The following SGMS1 variants were observed in gnomAD, a reference collection of about 807,000 sequenced individuals.
The protein encoded by SGMS1 is phosphatidylcholine:ceramide cholinephosphotransferase 1.
A neutral mutation model predicts 46.2 loss-of-function variants in SGMS1; 13 were observed. That is an observed-to-expected ratio of 0.28 (90% CI 0.18 to 0.45). The LOEUF is 0.45. SGMS1 is among the 20% of genes least tolerant of loss of function. The pLI, the probability that SGMS1 is intolerant of heterozygous loss-of-function variation, is 1.00. For synonymous variants in SGMS1, 203 were observed against 187.8 expected (o/e 1.08, Z -0.66); for missense variants, 324 against 519.9 (o/e 0.62, Z 3.66).
At chr10:50,459,618 G>A (rs1837239577) in intron 5 of SGMS1, among the ~76,000 whole-genome samples, 1 of 152,182 alleles carries the variant, frequency 6.6e-6, no homozygotes, top group Admixed American at 6.5e-5. Context: ...TGGCCAGGCT[G>A]GTCTCAAACT....
chr10:50,488,515 T>G (rs1837541715), intron 3 of SGMS1, among the ~76,000 whole-genome samples: 1 of 152,210 alleles, frequency 6.6e-6, no homozygotes, highest in African/African-American at 2.4e-5. Flanking sequence ...ATCGGGCTTT[T>G]TAATCAGTGG....
chr10:50,540,754 A>G (rs1838044851), intron 2 of SGMS1, among the ~76,000 whole-genome samples: 1 of 152,164 alleles, frequency 6.6e-6, no homozygotes, highest in Admixed American at 6.5e-5. Context: ...TAAGGTTATG[A>G]AATTATGATT....
At chr10:50,451,771 C>T (rs1837112723) in intron 5 of SGMS1, among the ~76,000 whole-genome samples, 1 of 152,146 alleles carries the variant, frequency 6.6e-6, no homozygotes, top group South Asian at 2.1e-4. Context: ...TAGATATACC[C>T]CTATTTAGTG....
chr10:50,450,080 G>C (rs1232726896), intron 5 of SGMS1, among the ~76,000 whole-genome samples: 1 of 152,046 alleles, frequency 6.6e-6, no homozygotes, highest in East Asian at 1.9e-4. Context: ...ACCATTAATA[G>C]AATTTTTTTT....
intron 6 of SGMS1, among the ~76,000 whole-genome samples, chr10:50,348,733 C>A (rs1013381198): frequency 6.6e-6 from 1 of 152,144 alleles, no homozygotes; most frequent in Non-Finnish European, 1.5e-5. Context: ...TGAAAATGGC[C>A]ATACTGCCCA....
chr10:50,557,380 G>T (rs1337292939), intron 2 of SGMS1, among the ~76,000 whole-genome samples: 1 of 151,954 alleles, frequency 6.6e-6, no homozygotes, highest in Non-Finnish European at 1.5e-5. Flanking sequence ...TTTGGAAAAA[G>T]AATTCTTGAG....
At chr10:50,491,519 C>T (rs1298111908) in intron 3 of SGMS1, among the ~76,000 whole-genome samples, 1 of 152,144 alleles carries the variant, frequency 6.6e-6, no homozygotes, top group Non-Finnish European at 1.5e-5. Flanking sequence ...TAATAGGACA[C>T]TGATAGGTCA....
intron 2 of SGMS1, among the ~76,000 whole-genome samples, chr10:50,554,653 C>T (rs11006116): frequency 0.021 from 3,187 of 152,090 alleles, 99 homozygotes; most frequent in African/African-American, 0.072. Flanking sequence ...CCCACCACAG[C>T]TCATCTAAAA....
rs112792791 is a variant in SGMS1, at chr10:50,419,694, A to G, written c.-232+13782T>C. ...CAGAAGTGCTAATTCCTGAGGTCCCATTAAGAAATGAGTTGATTGCTATTG... is the reference window on the plus strand; with the variant it reads ...CAGAAGTGCTAATTCCTGAGGTCCCGTTAAGAAATGAGTTGATTGCTATTG... On this transcript the variant is annotated intron_variant, in intron 6 of 10. Transcript: ENST00000361781. Among the ~76,000 whole-genome samples the G allele has an allele frequency of 9.3e-3, 1,421 of 152,350 alleles. 25 individuals are homozygous for G. Among genetic ancestry groups the G allele is most frequent in the African/African-American group, 0.031 (1,301 of 41,572 alleles).
intron 2 of SGMS1, among the ~76,000 whole-genome samples, chr10:50,537,642 G>A (rs919153185): frequency 1.5e-4 from 14 of 91,416 alleles, no homozygotes; most frequent in Admixed American, 6.8e-4. Flanking sequence ...AACAGGCCCC[G>A]GTGTGTGATG....
chr10:50,519,765 G>A (rs1465661526), intron 3 of SGMS1, 66 bp downstream of exon 3: 1 of 152,366 alleles, frequency 6.6e-6, no homozygotes, highest in East Asian at 1.9e-4. Flanking sequence ...CAAAGCAAGA[G>A]TGATTACAAG....
chr10:50,307,152 T>C lies in SGMS1; in HGVS notation c.1232A>G (p.Asn411Ser). 2 of 1,613,952 alleles carry C rather than the reference T, an allele frequency of 1.2e-6. No individual in the cohort carries two copies. The highest frequency in any genetic ancestry group is 1.7e-5 in the Admixed American group (1 of 60,004). Reference protein sequence around the residue: ...SRQVKYSRLVNDT With the variant: ...SRQVKYSRLVSDT Reference sequence around the variant, plus strand: ...CACTTTGTACAGCTGTTATGTGTCATTCACCAGCCGGCTGTATTTAACTTG... The same window carrying C: ...CACTTTGTACAGCTGTTATGTGTCACTCACCAGCCGGCTGTATTTAACTTG... Residue 411 changes from asparagine to serine, a missense_variant, in exon 11 of 11, where the codon AAT becomes AGT. By Grantham distance (46) the Asn-to-Ser change is conservative. Coordinates refer to ENST00000361781, the MANE Select transcript of SGMS1 (RefSeq NM_147156.4). This position sits in a 1 kb window ranked among gnomAD's most constrained non-coding sequence, Gnocchi z 4.2.
chr10:50,579,773 A>T (rs1448547935), intron 2 of SGMS1, among the ~76,000 whole-genome samples: 2 of 152,224 alleles, frequency 1.3e-5, no homozygotes, highest in Non-Finnish European at 2.9e-5. Context: ...TAAACCAAGA[A>T]AGAAGAGAAT....
chr10:50,552,663 G>A (rs780029831), intron 2 of SGMS1, among the ~76,000 whole-genome samples: 6 of 152,210 alleles, frequency 3.9e-5, no homozygotes, highest in African/African-American at 7.2e-5. Context: ...TGCCACTGTA[G>A]TAGGCTAAAT....
At chr10:50,319,185 C>T (rs1847400929) in intron 8 of SGMS1, among the ~76,000 whole-genome samples, 1 of 145,922 alleles carries the variant, frequency 6.9e-6, no homozygotes, top group Non-Finnish European at 1.5e-5. Context: ...AAAAAAATTG[C>T]CCTTGGCTTT....
intron 6 of SGMS1, among the ~76,000 whole-genome samples, chr10:50,384,380 TC>T (rs1303304656): frequency 2.7e-5 from 4 of 149,632 alleles, no homozygotes; most frequent in East Asian, 3.9e-4. Context: ...TTTCTCTCTT[TC>T]TTTTTCTCTC....
chr10:50,479,603 G>A (rs1837458346), intron 3 of SGMS1, among the ~76,000 whole-genome samples: 1 of 152,022 alleles, frequency 6.6e-6, no homozygotes, highest in South Asian at 2.1e-4. Flanking sequence ...GTTTGCAAAA[G>A]TAATAGATTT....
At chr10:50,621,640 A>T (rs567115928) in intron 1 of SGMS1, among the ~76,000 whole-genome samples, 25 of 152,348 alleles carry the variant, frequency 1.6e-4, no homozygotes, top group African/African-American at 5.5e-4. Flanking sequence ...TGTCCCTCTG[A>T]TGTCAATTTA....
Position 50,491,438 on chromosome 10 carries a change from T to C in SGMS1, c.-497-24506A>G, listed in dbSNP as rs544689170. Among the ~76,000 whole-genome samples, 5 of 152,320 alleles carry C rather than the reference T, an allele frequency of 3.3e-5. No homozygotes were observed. The South Asian group carries it at 6.2e-4, about 19-fold the overall frequency. On this transcript the variant is annotated intron_variant, in intron 3 of 10. Transcript: ENST00000361781. Reference sequence around the variant, plus strand: ...TCAGCACATTCCTCATATTTAAGTATCAGAAAATTCTTCATCCAGCAAAGT... The same window carrying C: ...TCAGCACATTCCTCATATTTAAGTACCAGAAAATTCTTCATCCAGCAAAGT...
Sources: allele counts gnomAD v4.1 joint callset (sites outside exome capture counted in the v4.1 genomes callset), GRCh38; gene constraint gnomAD v4.1.1; non-coding constraint Gnocchi (gnomAD v3.1); transcripts MANE v1.5; gene names NCBI Gene and HGNC (gene_info 2026-07-23, HGNC 2026-07-21).